Variants in LSAMP observed in about 807,000 individuals in gnomAD.
LSAMP encodes the protein limbic system-associated membrane protein.
In LSAMP, 7 loss-of-function variants were observed where a neutral mutation model predicts 38.6. The observed-to-expected ratio is 0.18, with a 90% CI of 0.10 to 0.34. The LOEUF is 0.34. Among genes scored for constraint, LSAMP ranks in the 10% least tolerant of loss-of-function variants. The pLI is 1.00. For missense variants in LSAMP, 313 were observed against 420.0 expected, an observed-to-expected ratio of 0.75 and a Z score of 2.23; for synonymous variants, 154 against 166.8, an observed-to-expected ratio of 0.92 and a Z score of 0.59.
intron 1 of LSAMP, among the ~76,000 whole-genome samples, chr3:116,218,602 G>A (rs892893588): frequency 6.6e-6 from 1 of 152,114 alleles, no homozygotes; most frequent in Admixed American, 6.6e-5. Context: ...ACATTACCAG[G>A]TGTTTCTCTA....
intron 3 of LSAMP, among the ~76,000 whole-genome samples, chr3:115,861,992 GA>G (rs1431981190): frequency 2.0e-5 from 3 of 152,124 alleles, no homozygotes; most frequent in Non-Finnish European, 2.9e-5. Context: ...ACAAAGGATT[GA>G]AAAAGCCCCA....
At chr3:116,369,169 A>C (rs894068951) in intron 1 of LSAMP, among the ~76,000 whole-genome samples, 23 of 152,172 alleles carry the variant, frequency 1.5e-4, no homozygotes, top group Admixed American at 1.1e-3. Context: ...CTGTGATATG[A>C]AGGCTTCAGC....
Position 116,445,389 on chromosome 3 carries a change from C to A in LSAMP, c.-358G>T, listed in dbSNP as rs1576231726. ...CTCCTCTGCCAGTGTCTGAGCTGAG[C>A]TCCTTCGCTCTGTAACCCACTTTCC... On this transcript the variant is annotated 5_prime_UTR_variant, in exon 1 of 7. Coordinates refer to ENST00000490035, the MANE Select transcript of LSAMP (RefSeq NM_002338.5). 8.4e-6 allele frequency: 4 copies of A among 473,752 alleles called. No individual in the cohort carries two copies. In the East Asian group the frequency reaches 9.9e-5, roughly 12 times the overall value. 29.3% of individuals were successfully genotyped at this position (473,752 alleles called of 1,614,324 possible).
intron 2 of LSAMP, among the ~76,000 whole-genome samples, chr3:116,061,381 G>C (rs546482557): frequency 7.9e-5 from 12 of 152,188 alleles, no homozygotes; most frequent in African/African-American, 2.9e-4. Flanking sequence ...TCCTTAGGGG[G>C]CTGAGGGAAT....
At chr3:116,044,131 A>G (rs985242727) in intron 2 of LSAMP, among the ~76,000 whole-genome samples, 6 of 152,188 alleles carry the variant, frequency 3.9e-5, no homozygotes, top group Non-Finnish European at 8.8e-5. Flanking sequence ...GATAGAAGGT[A>G]CTCAGGGAAA....
At position 115,860,260 on chromosome 3, in the gene LSAMP, G is replaced by A. The variant is rs116267049; in HGVS notation, c.515-7643C>T. The stretch of plus-strand genomic sequence containing the variant: ...AGATGTGTAACACATAGGAACACAG[G>A]TTTAGAGTGGTCAAGAAACTTGCCC... On this transcript the variant is annotated intron_variant, in intron 3 of 6. Coordinates refer to ENST00000490035, the MANE Select transcript of LSAMP (RefSeq NM_002338.5). 4.8e-3 allele frequency among the ~76,000 whole-genome samples: 732 copies of A among 152,326 alleles called. 10 individuals are homozygous for A. The highest frequency in any genetic ancestry group is 0.017 in the African/African-American group (712 of 41,572).
chr3:115,964,365 T>A (rs756198430), intron 3 of LSAMP, among the ~76,000 whole-genome samples: 1 of 152,166 alleles, frequency 6.6e-6, no homozygotes, highest in Non-Finnish European at 1.5e-5. Context: ...AGTGCAGCTG[T>A]CACTATATAA....
intron 1 of LSAMP, among the ~76,000 whole-genome samples, chr3:116,118,502 C>A (rs538605018): frequency 6.6e-6 from 1 of 152,326 alleles, no homozygotes; most frequent in South Asian, 2.1e-4. Context: ...GTCTTGTTCT[C>A]ACCATTCTTG....
At chr3:116,078,713 A>G (rs996713696) in intron 2 of LSAMP, among the ~76,000 whole-genome samples, 2 of 152,180 alleles carry the variant, frequency 1.3e-5, no homozygotes, top group Non-Finnish European at 2.9e-5. Context: ...AAATTGTCCT[A>G]TACTTGGCTC....
intron 1 of LSAMP, among the ~76,000 whole-genome samples, chr3:116,402,780 C>T (rs77343109): frequency 0.018 from 2,682 of 151,360 alleles, 77 homozygotes; most frequent in African/African-American, 0.062. Context: ...AATAAAACCC[C>T]CATGTAATAC....
At position 116,019,396 on chromosome 3, in the gene LSAMP, T is replaced by G. The variant is rs1576311653; in HGVS notation, c.514+119A>C. 3.2e-6 allele frequency: 4 copies of G among 1,261,196 alleles called. No homozygotes were observed. The East Asian group carries it at 1.1e-4, about 34-fold the overall frequency. 78.1% of individuals were successfully genotyped at this position (1,261,196 alleles called of 1,614,324 possible). On this transcript the variant is annotated intron_variant, in intron 3 of 6. Transcript: ENST00000490035. ...CAAGATAGATGCATGACCTTCTGAT[T>G]CAACAGAATTTCAATTCTGATTCTG...
intron 1 of LSAMP, among the ~76,000 whole-genome samples, chr3:116,398,236 A>C (rs2048794321): frequency 1.3e-5 from 2 of 152,180 alleles, no homozygotes. Flanking sequence ...TCAGTACCTA[A>C]CACTGCTTAG....
At chr3:116,322,059 T>C (rs983535973) in intron 1 of LSAMP, among the ~76,000 whole-genome samples, 2 of 152,222 alleles carry the variant, frequency 1.3e-5, no homozygotes, top group Admixed American at 1.3e-4. Flanking sequence ...TCTAGTTACA[T>C]TGTTCACTGA....
chr3:115,856,396 T>C (rs991238775), intron 3 of LSAMP, among the ~76,000 whole-genome samples: 2 of 152,066 alleles, frequency 1.3e-5, no homozygotes, highest in African/African-American at 4.8e-5. Flanking sequence ...GGTGGGCAGA[T>C]CACTTGAGGT....
chr3:115,884,696 G>T (rs957494955), intron 3 of LSAMP, among the ~76,000 whole-genome samples: 1 of 151,922 alleles, frequency 6.6e-6, no homozygotes, highest in African/African-American at 2.4e-5. Context: ...TTACAAATAC[G>T]AGCAGAAGTC....
At chr3:116,180,508 T>C (rs1478628159) in intron 1 of LSAMP, among the ~76,000 whole-genome samples, 1 of 151,934 alleles carries the variant, frequency 6.6e-6, no homozygotes, top group African/African-American at 2.4e-5. Context: ...AGAACATAGG[T>C]GGTGTGATTT....
intron 1 of LSAMP, among the ~76,000 whole-genome samples, chr3:116,090,147 C>T (rs1708086840): frequency 1.4e-5 from 2 of 145,534 alleles, no homozygotes; most frequent in Non-Finnish European, 3.0e-5. Flanking sequence ...CTCAGGAGTT[C>T]AAGGCTACAG....
At chr3:115,983,697 A>G (rs1360660050) in intron 3 of LSAMP, among the ~76,000 whole-genome samples, 1 of 152,202 alleles carries the variant, frequency 6.6e-6, no homozygotes, top group Non-Finnish European at 1.5e-5. Flanking sequence ...CATCTAGTCA[A>G]AGAAAGAGCC....
intron 1 of LSAMP, among the ~76,000 whole-genome samples, chr3:116,167,027 G>C (rs551113995): frequency 6.6e-6 from 1 of 151,996 alleles, no homozygotes; most frequent in South Asian, 2.1e-4. Flanking sequence ...TCCTGACCTC[G>C]TGATCCGCCC....
Sources: allele counts gnomAD v4.1 joint callset (sites outside exome capture counted in the v4.1 genomes callset), GRCh38; gene constraint gnomAD v4.1.1; transcripts MANE v1.5; gene names NCBI Gene and HGNC (gene_info 2026-07-23, HGNC 2026-07-21).